Variants in ALKBH3 observed in about 807,000 individuals in gnomAD.
ALKBH3 encodes the protein alkB homolog 3, alpha-ketoglutarate dependent dioxygenase.
Under a neutral mutation model 43.9 loss-of-function variants are expected in ALKBH3, and 51 were observed. The ratio of observed to expected loss-of-function variants is 1.16; its 90% CI spans 0.93 to 1.47. ALKBH3 has a LOEUF of 1.47. Ranked by LOEUF, ALKBH3 falls within the 40% of genes most tolerant of loss-of-function variation. The pLI, the probability that ALKBH3 is intolerant of heterozygous loss-of-function variation, is 0.00. For synonymous variants in ALKBH3, 102 were observed against 115.2 expected (o/e 0.89, Z 0.73); for missense variants, 361 against 351.9 (o/e 1.03, Z -0.21).
chr11:43,916,274 T>C (rs1057450199), intron 8 of ALKBH3, among the ~76,000 whole-genome samples: 43 of 152,296 alleles, frequency 2.8e-4, no homozygotes, highest in African/African-American at 1.0e-3. Context: ...GAATAGGATA[T>C]GTTGGTGAGG....
At position 43,893,180 on chromosome 11, in the gene ALKBH3, A is replaced by G. The variant is rs146877771; in HGVS notation, c.459+1051A>G. 2.3e-3 allele frequency among the ~76,000 whole-genome samples: 348 copies of G among 152,332 alleles called. 1 individual carries two copies. Among genetic ancestry groups the G allele is most frequent in the Non-Finnish European group, 4.2e-3 (288 of 68,018 alleles). ...TTCATTCTAGTTAATCTTTTAAAAC[A>G]AGATTTCTCAACCTCAGTAGTATTG... is the stretch of plus-strand genomic sequence containing the variant. On this transcript the variant is annotated intron_variant, in intron 7 of 9. Coordinates refer to ENST00000302708, the MANE Select transcript of ALKBH3 (RefSeq NM_139178.4).
intron 8 of ALKBH3, among the ~76,000 whole-genome samples, chr11:43,904,582 C>T (rs1171432736): frequency 2.0e-5 from 3 of 152,210 alleles, no homozygotes; most frequent in African/African-American, 4.8e-5. Context: ...GTCTCACTAA[C>T]GGATTTCCAA....
At chr11:43,889,968 C>T in intron 6 of ALKBH3, 140 bp downstream of exon 6, 2 of 687,938 alleles carry the variant, frequency 2.9e-6, no homozygotes, top group South Asian at 3.8e-5. Context: ...TAGAATTAGC[C>T]AAAAAGGACA....
At chr11:43,885,540 GTC>G (rs2135176618) in intron 4 of ALKBH3, among the ~76,000 whole-genome samples, 1 of 152,284 alleles carries the variant, frequency 6.6e-6, no homozygotes, top group African/African-American at 2.4e-5. Flanking sequence ...TCTATAACGT[GTC>G]TCTCTCTGAG....
chr11:43,920,011 C>A lies in ALKBH3; in HGVS notation c.*1C>A. 1 of 1,612,620 alleles carries A rather than the reference C, an allele frequency of 6.2e-7. No homozygotes were observed. The highest frequency in any genetic ancestry group is 1.7e-5 in the Admixed American group (1 of 59,970). The stretch of plus-strand genomic sequence containing the variant: ...AGACCCTCGAGGGGCACCCTGGTGA[C>A]GTCAGAGCTTTGAGAGAGAAGCTTC... On this transcript the variant is annotated 3_prime_UTR_variant, in exon 10 of 10. Transcript: ENST00000302708.
intron 7 of ALKBH3, chr11:43,899,164 G>T: frequency 1.3e-6 from 1 of 788,374 alleles, no homozygotes; most frequent in Non-Finnish European, 2.3e-6. Context: ...GACTCCCTAG[G>T]GGCCCCACCT....
intron 8 of ALKBH3, among the ~76,000 whole-genome samples, chr11:43,913,193 C>T (rs1482464642): frequency 1.3e-5 from 2 of 149,512 alleles, no homozygotes; most frequent in African/African-American, 4.9e-5. Flanking sequence ...TCATTCAGGT[C>T]TAATTTTTTT....
intron 8 of ALKBH3, among the ~76,000 whole-genome samples, chr11:43,906,096 G>A (rs1165781973): frequency 6.6e-6 from 1 of 152,194 alleles, no homozygotes; most frequent in Non-Finnish European, 1.5e-5. Flanking sequence ...TCACCTCAGG[G>A]TGATTGAGCT....
intron 8 of ALKBH3, among the ~76,000 whole-genome samples, chr11:43,908,349 CAGAT>C (rs1228056038): frequency 2.0e-5 from 3 of 152,108 alleles, no homozygotes; most frequent in Non-Finnish European, 4.4e-5. Context: ...TGTGTCTGAT[CAGAT>C]TATGTCCAGG....
intron 5 of ALKBH3, among the ~76,000 whole-genome samples, chr11:43,888,309 C>T (rs61883984): frequency 3.7e-5 from 1 of 26,912 alleles, no homozygotes; most frequent in Non-Finnish European, 1.2e-4. Flanking sequence ...CGCCATGTTG[C>T]CCAGGCTGGC....
Position 43,896,547 on chromosome 11 carries a change from G to A in ALKBH3, c.459+4418G>A, listed in dbSNP as rs185935846. On this transcript the variant is annotated intron_variant, in intron 7 of 9. Transcript: ENST00000302708. ...ATTCACTGGCAGCTGATTAGATTGT[G>A]CTCACCAGATTAAGGGTGGGTCTGC... Among the ~76,000 whole-genome samples, 7 of 152,250 alleles carry A rather than the reference G, an allele frequency of 4.6e-5. No individual in the cohort carries two copies. The East Asian group carries it at 1.4e-3, about 29-fold the overall frequency.
intron 8 of ALKBH3, among the ~76,000 whole-genome samples, chr11:43,912,992 TAAGTCAACCATGGTTCAAA>T (rs143681672): frequency 0.84 from 125,233 of 149,892 alleles, 53,183 homozygotes; most frequent in East Asian, 0.98. Flanking sequence ...GCAACACTCA[TAAGTCAACCATGGTTCAAA>T]AAGTCAACCA....
chr11:43,886,897 G>A (rs562970701), intron 5 of ALKBH3, among the ~76,000 whole-genome samples: 11 of 152,106 alleles, frequency 7.2e-5, no homozygotes, highest in Non-Finnish European at 1.2e-4. Flanking sequence ...AGTGGGAGCC[G>A]AATGATGAGA....
chr11:43,914,064 A>G, intron 8 of ALKBH3, among the ~76,000 whole-genome samples: 1 of 152,122 alleles, frequency 6.6e-6, no homozygotes, highest in Non-Finnish European at 1.5e-5. Flanking sequence ...CACCCAGCCC[A>G]CACCTCTCAC....
At chr11:43,913,615 T>C (rs61884011) in intron 8 of ALKBH3, among the ~76,000 whole-genome samples, 7,701 of 152,282 alleles carry the variant, frequency 0.051, 261 homozygotes, top group Non-Finnish European at 0.075. Context: ...TAAAGGAAGA[T>C]GATATTTGAA....
In ALKBH3 at chr11:43,888,085, C is replaced by CCATACGTGGCCTAGGATAGA. The variant is rs1439456560; in HGVS notation, c.266+1432_266+1433insCATACGTGGCCTAGGATAGA. 4.4e-4 allele frequency among the ~76,000 whole-genome samples: 43 copies of CCATACGTGGCCTAGGATAGA among 96,700 alleles called. 5 individuals carry two copies. The highest frequency in any genetic ancestry group is 5.2e-4 in the Admixed American group (6 of 11,444). 63.4% of individuals were successfully genotyped at this position (96,700 alleles called of 152,430 possible). The stretch of plus-strand genomic sequence containing the variant: ...GTGCTGGGATTACAGGCATGAGCCA[C>CCATACGTGGCCTAGGATAGA]TGCGCCTGGCAGTCTTTCTGTTTTT... On this transcript the variant is annotated intron_variant, in intron 5 of 9. Coordinates refer to ENST00000302708, the MANE Select transcript of ALKBH3 (RefSeq NM_139178.4).
At chr11:43,898,069 A>G (rs1590372239) in intron 7 of ALKBH3, 2 of 926,816 alleles carry the variant, frequency 2.2e-6, no homozygotes, top group South Asian at 1.4e-5. Flanking sequence ...TGCTGTCCTC[A>G]AGGAGGGGCT....
At chr11:43,900,396 G>A (rs1056060788) in intron 7 of ALKBH3, among the ~76,000 whole-genome samples, 5 of 151,278 alleles carry the variant, frequency 3.3e-5, no homozygotes, top group African/African-American at 1.2e-4. Context: ...GCTGATTTTT[G>A]TATTTTTAGT....
At chr11:43,888,019 G>A (rs1951758403) in intron 5 of ALKBH3, among the ~76,000 whole-genome samples, 1 of 150,606 alleles carries the variant, frequency 6.6e-6, no homozygotes, top group Non-Finnish European at 1.5e-5. Flanking sequence ...GCATGGTCTC[G>A]ATCTCTTGAC....
Sources: allele counts gnomAD v4.1 joint callset (sites outside exome capture counted in the v4.1 genomes callset), GRCh38; gene constraint gnomAD v4.1.1; transcripts MANE v1.5; gene names NCBI Gene and HGNC (gene_info 2026-07-23, HGNC 2026-07-21).